The following GABRD variants were observed in gnomAD, a reference collection of about 807,000 sequenced individuals.
The protein encoded by GABRD is gamma-aminobutyric acid type A receptor subunit delta.
GABRD carries 25 observed loss-of-function variants against 47.3 expected under a neutral mutation model. That is an observed-to-expected ratio of 0.53 (90% confidence interval 0.39 to 0.74). GABRD has a LOEUF of 0.74. GABRD is among the 30% of genes least tolerant of loss of function. The probability of loss-of-function intolerance (pLI) is 0.00; values close to 1 mark genes in which losing one functional copy is unlikely to be tolerated. For missense variants in GABRD, 497 were observed against 643.4 expected (o/e 0.77, Z 2.46); for synonymous variants, 314 against 278.8 (o/e 1.13, Z -1.26).
chr1:2,029,013 T>C, intron 6 of GABRD, 98 bp from the exon 7 acceptor site: 1 of 1,452,024 alleles, frequency 6.9e-7, no homozygotes, highest in South Asian at 1.2e-5. Flanking sequence ...TTCTGAGCCC[T>C]GGTGGGCCCC....
chr1:2,024,913 C>T, intron 1 of GABRD, 29 bp from the exon 2 acceptor site: 1 of 1,510,482 alleles, frequency 6.6e-7, no homozygotes, highest in Non-Finnish European at 9.2e-7. Context: ...AAGTCCTGGC[C>T]TGTCTGACCG....
chr1:2,030,000 C>T lies in GABRD; in HGVS notation c.1077C>T (p.Ala359=). Residue 359 remains alanine, a synonymous_variant, in exon 9 of 9, where the codon GCC becomes GCT. Coordinates refer to ENST00000378585, the MANE Select transcript of GABRD (RefSeq NM_000815.5). ...TCGTGCAGATGGACGTGAGGAACGC[C>T]ATTGTCCTCTTCTCCCTCTCTGCTG... The part of the protein sequence containing the change: ...RPRAEMDVRN[A]IVLFSLSAAG... The T allele has an allele frequency of 1.2e-6, 2 of 1,612,772 alleles. No individual in the cohort carries two copies. Among genetic ancestry groups the T allele is most frequent in the East Asian group, 4.5e-5 (2 of 44,880 alleles).
chr1:2,024,134 T>G (rs1168455851), intron 1 of GABRD: 1 of 152,030 alleles, frequency 6.6e-6, no homozygotes, highest in Non-Finnish European at 1.5e-5. Context: ...AAGACCTTAT[T>G]CCCAAATAAG....
intron 4 of GABRD, chr1:2,026,469 C>T (rs1028326947): frequency 5.3e-5 from 8 of 152,322 alleles, no homozygotes; most frequent in African/African-American, 1.7e-4. Flanking sequence ...TGTGTGTGCG[C>T]GCATTTGTTT....
chr1:2,028,887 C>G lies in GABRD; in HGVS notation c.692-224C>G. 1 of 594,152 alleles carries G rather than the reference C, an allele frequency of 1.7e-6. No homozygotes were observed. Among genetic ancestry groups the G allele is most frequent in the Non-Finnish European group, 2.9e-6 (1 of 340,016 alleles). The allele number at this position is 594,152 out of a possible 1,614,324, so 36.8% of individuals were successfully genotyped here. A position where few individuals can be genotyped will look rare whatever the true frequency, so the allele number is the denominator to read the frequency against. On this transcript the variant is annotated intron_variant, in intron 6 of 8. Transcript: ENST00000378585. The surrounding 1 kb of genome is among the most constrained non-coding windows in gnomAD (Gnocchi z 6.4). Reference sequence around the variant, plus strand: ...AGCAGTAACCTCAGCCTCTCTCCCTCTCCTCTGGGTGACACTGCTCAGGAC... The same window carrying G: ...AGCAGTAACCTCAGCCTCTCTCCCTGTCCTCTGGGTGACACTGCTCAGGAC...
chr1:2,029,240 C>A lies in GABRD; in HGVS notation c.821C>A (p.Ala274Glu). 6.4e-7 allele frequency: 1 copy of A among 1,566,848 alleles called. No individual in the cohort carries two copies. Among genetic ancestry groups the A allele is most frequent in the Non-Finnish European group, 8.6e-7 (1 of 1,157,814 alleles). ...TGGGTCTCCTTCTGGATCAGCCAGG[C>A]GGCGGTGCCCGCCAGGGTGTCTCTA... is the stretch of plus-strand genomic sequence containing the variant. Reference protein sequence around the residue: ...MSWVSFWISQAAVPARVSLGI... With the variant: ...MSWVSFWISQEAVPARVSLGI... Residue 274 changes from alanine to glutamate, a missense_variant, in exon 7 of 9, where the codon GCG becomes GAG. By Grantham distance (107) the Ala-to-Glu change is moderately radical. This residue lies in a region of GABRD where 285 missense variants were observed against 436.6 expected (regional missense o/e 0.65). Coordinates refer to ENST00000378585, the MANE Select transcript of GABRD (RefSeq NM_000815.5).
chr1:2,023,189 G>A (rs957437048), intron 1 of GABRD, among the ~76,000 whole-genome samples: 2 of 152,090 alleles, frequency 1.3e-5, no homozygotes, highest in African/African-American at 4.8e-5. Context: ...TCCCCGGCTG[G>A]ACTTAGCCTG....
chr1:2,025,826 G>C, intron 4 of GABRD, 88 bp downstream of exon 4: 1 of 1,243,830 alleles, frequency 8.0e-7, no homozygotes, highest in Non-Finnish European at 1.1e-6. Context: ...GGAAAAGCTC[G>C]AGCGGCTTCT....
Position 2,028,173 on chromosome 1 carries a change from A to T in GABRD, c.572A>T (p.Asp191Val). 1 of 1,611,630 alleles carries T rather than the reference A, an allele frequency of 6.2e-7. No individual in the cohort carries two copies. Among genetic ancestry groups the T allele is most frequent in the Non-Finnish European group, 8.5e-7 (1 of 1,179,190 alleles). The change falls in exon 6 of 9, where the codon GAC becomes GTC. Residue 191 changes from aspartate (D) to valine (V), a missense_variant. Transcript: ENST00000378585. The surrounding 1 kb of genome is among the most constrained non-coding windows in gnomAD (Gnocchi z 6.4). The stretch of plus-strand genomic sequence containing the variant: ...CCTCCAGACGGTTACTCATCGGAGG[A>T]CATCGTCTACTACTGGTCGGAGAGC... ...DLESYGYSSE[D>V]IVYYWSESQE...
At chr1:2,020,733 A>G (rs1410810746) in intron 1 of GABRD, among the ~76,000 whole-genome samples, 1 of 152,248 alleles carries the variant, frequency 6.6e-6, no homozygotes, top group Non-Finnish European at 1.5e-5. Context: ...CTGCCAGCCC[A>G]GGCCCACGGC....
chr1:2,020,935 C>T (rs541511385), intron 1 of GABRD, among the ~76,000 whole-genome samples: 14 of 152,356 alleles, frequency 9.2e-5, no homozygotes, highest in South Asian at 6.2e-4. Flanking sequence ...CGCCCCCAGC[C>T]ACAGCCTCTG....
intron 1 of GABRD, 103 bp from the exon 2 acceptor site, chr1:2,024,839 G>T: frequency 1.2e-6 from 1 of 815,668 alleles, no homozygotes; most frequent in East Asian, 2.6e-5. Context: ...CCCATGCCCT[G>T]GCCCAGGTGC....
chr1:2,027,256 C>T (rs1001688013), intron 4 of GABRD: 2 of 434,820 alleles, frequency 4.6e-6, no homozygotes, highest in Non-Finnish European at 4.3e-6. Flanking sequence ...TGGGCCTATT[C>T]CCGTGTGTTC....
chr1:2,028,410 C>G lies in GABRD; in HGVS notation c.691+118C>G. The G allele has an allele frequency of 8.5e-7, 1 of 1,182,972 alleles. No individual in the cohort carries two copies. The highest frequency in any genetic ancestry group is 1.1e-6 in the Non-Finnish European group (1 of 922,496). The allele number at this position is 1,182,972 out of a possible 1,614,324, so 73.3% of individuals were successfully genotyped here. ...CGTGCGCCCGCCTGTGGTTTTCATG[C>G]TTTTTAGTCAAGCGCCCGCAGGCCC... is the stretch of plus-strand genomic sequence containing the variant. On this transcript the variant is annotated intron_variant, in intron 6 of 8. Transcript: ENST00000378585. The surrounding 1 kb of genome is among the most constrained non-coding windows in gnomAD (Gnocchi z 6.4).
At position 2,028,041 on chromosome 1, in the gene GABRD, C is replaced by T. The variant is rs971612498; in HGVS notation, c.554-114C>T. ...GCTCCTGGCTGGGGTCCTGCTCGGTCCCCATCACGATGGCGTCGGCCCCCT... is the reference window on the plus strand; with the variant it reads ...GCTCCTGGCTGGGGTCCTGCTCGGTTCCCATCACGATGGCGTCGGCCCCCT... On this transcript the variant is annotated intron_variant, in intron 5 of 8. Coordinates refer to ENST00000378585, the MANE Select transcript of GABRD (RefSeq NM_000815.5). This position sits in a 1 kb window ranked among gnomAD's most constrained non-coding sequence, Gnocchi z 6.4. 42 of 1,227,616 alleles carry T rather than the reference C, an allele frequency of 3.4e-5. No individual in the cohort carries two copies. Among genetic ancestry groups the T allele is most frequent in the Non-Finnish European group, 6.8e-6 (6 of 882,686 alleles). The allele number at this position is 1,227,616 out of a possible 1,614,324, so 76.0% of individuals were successfully genotyped here. A position where few individuals can be genotyped will look rare whatever the true frequency, so the allele number is the denominator to read the frequency against.
In GABRD at chr1:2,028,828, G is replaced by A; in HGVS notation, c.692-283G>A. ...GTGAGCCCTCCCCATTGGTTGCGAGGGTCCCTCAGGGCCAGTCCAGCAAAC... is the reference window on the plus strand; with the variant it reads ...GTGAGCCCTCCCCATTGGTTGCGAGAGTCCCTCAGGGCCAGTCCAGCAAAC... On this transcript the variant is annotated intron_variant, in intron 6 of 8. Coordinates refer to ENST00000378585, the MANE Select transcript of GABRD (RefSeq NM_000815.5). The surrounding 1 kb of genome is among the most constrained non-coding windows in gnomAD (Gnocchi z 6.4). 1 of 504,138 alleles carries A rather than the reference G, an allele frequency of 2.0e-6. No homozygotes were observed. 31.2% of individuals were successfully genotyped at this position (504,138 alleles called of 1,614,324 possible).
intron 7 of GABRD, 105 bp downstream of exon 7, chr1:2,029,371 C>T (rs1213220354): frequency 6.9e-7 from 1 of 1,450,996 alleles, no homozygotes; most frequent in African/African-American, 1.4e-5. Flanking sequence ...TGGACCATGC[C>T]AGCTGTCCTG....
Position 2,019,461 on chromosome 1 carries a change from T to G in GABRD, c.38T>G (p.Leu13Arg). 9.2e-7 allele frequency: 1 copy of G among 1,092,358 alleles called. No homozygotes were observed. Among genetic ancestry groups the G allele is most frequent in the Non-Finnish European group, 1.1e-6 (1 of 902,004 alleles). The allele number at this position is 1,092,358 out of a possible 1,614,324, so 67.7% of individuals were successfully genotyped here. A position where few individuals can be genotyped will look rare whatever the true frequency, so the allele number is the denominator to read the frequency against. The change falls in exon 1 of 9, where the codon CTC (leucine) becomes CGC (arginine). Residue 13 changes from leucine to arginine, a missense_variant. This residue lies in a region of GABRD where 91 missense variants were observed against 85.5 expected (regional missense o/e 1.06). Coordinates refer to ENST00000378585, the MANE Select transcript of GABRD (RefSeq NM_000815.5). ...APARLLAPLL[L>R]LCAQQLRGTR... ...GCCCGGCTGCTGGCCCCGCTCCTGC[T>G]CCTCTGCGCGCAGCAGCTCCGCGGC...
At chr1:2,027,144 C>CA (rs1658949776) in intron 4 of GABRD, 1 of 306,602 alleles carries the variant, frequency 3.3e-6, no homozygotes, top group African/African-American at 2.2e-5. Flanking sequence ...GCTTGGGTGA[C>CA]AGAGTGAGAC....
Sources: gnomAD v4.1 joint callset for allele counts (sites outside exome capture counted in the v4.1 genomes callset) on GRCh38, gnomAD v4.1.1 for gene constraint, gnomAD v4.1.1 regional missense constraint, Gnocchi (gnomAD v3.1) non-coding constraint, MANE v1.5 for transcripts, NCBI Gene and HGNC (gene_info 2026-07-23, HGNC 2026-07-21) for gene names.